Variants in R3HDM2 observed in about 807,000 individuals in gnomAD.
R3HDM2 encodes the protein R3H domain-containing protein 2.
A neutral mutation model predicts 124.5 loss-of-function variants in R3HDM2; 38 were observed. The ratio of observed to expected loss-of-function variants is 0.31; its 90% CI spans 0.24 to 0.40. The LOEUF (loss-of-function observed/expected upper bound fraction) is 0.40. R3HDM2 is among the 10% of genes least tolerant of loss of function. R3HDM2 has a pLI of 1.00. For synonymous variants in R3HDM2, 391 were observed against 448.0 expected, an observed-to-expected ratio of 0.87 and a Z score of 1.61; for missense variants, 869 against 1,236.9, an observed-to-expected ratio of 0.70 and a Z score of 4.46.
At chr12:57,368,044 AT>A (rs1245574804) in intron 2 of R3HDM2, among the ~76,000 whole-genome samples, 18 of 146,252 alleles carry the variant, frequency 1.2e-4, no homozygotes, top group Admixed American at 2.0e-4. Flanking sequence ...TTCTTTTGTG[AT>A]TTTTTTTTTG....
At chr12:57,395,234 C>T (rs139153978) in intron 2 of R3HDM2, among the ~76,000 whole-genome samples, 136 of 151,900 alleles carry the variant, frequency 9.0e-4, no homozygotes, top group African/African-American at 2.7e-3. Flanking sequence ...GAGCCGGGCA[C>T]GGTGGCTCAC....
intron 1 of R3HDM2, among the ~76,000 whole-genome samples, chr12:57,399,217 C>A (rs950296380): frequency 1.3e-5 from 2 of 151,940 alleles, no homozygotes; most frequent in Non-Finnish European, 2.9e-5. Context: ...GCCTGGCTGG[C>A]GTGGTGAAAC....
chr12:57,337,583 C>T (rs778814649), intron 2 of R3HDM2, among the ~76,000 whole-genome samples: 1 of 152,070 alleles, frequency 6.6e-6, no homozygotes, highest in Non-Finnish European at 1.5e-5. Context: ...CCTATCTGCA[C>T]GTTAAATTTC....
At chr12:57,425,380 T>C (rs529923574) in intron 1 of R3HDM2, among the ~76,000 whole-genome samples, 22 of 152,354 alleles carry the variant, frequency 1.4e-4, no homozygotes, top group African/African-American at 5.3e-4. Context: ...GACAAATGCA[T>C]AGCAGATCCC....
intron 1 of R3HDM2, among the ~76,000 whole-genome samples, chr12:57,420,181 T>C (rs1311126436): frequency 6.6e-6 from 1 of 152,160 alleles, no homozygotes; most frequent in Admixed American, 6.6e-5. Context: ...CTCTGTATTG[T>C]CTTGTTCATT....
chr12:57,355,445 C>T (rs563374341), intron 2 of R3HDM2, among the ~76,000 whole-genome samples: 54 of 129,670 alleles, frequency 4.2e-4, no homozygotes, highest in African/African-American at 1.5e-3. Context: ...GGCAACAGAG[C>T]GAGACTGTCT....
rs376889016 is a variant in R3HDM2 at position 57,280,552 on chromosome 12, C to T, written c.1172-22G>A. The T allele has an allele frequency of 1.7e-5, 26 of 1,570,626 alleles. No individual in the cohort carries two copies. In the African/African-American group the frequency reaches 2.9e-4, roughly 17 times the overall value. ...ATACCTAAGGCAAAGAAGAAACCCA[C>T]AAAAAGTTGTAAGCATAAGCCACGA... On this transcript the variant is annotated intron_variant, in intron 13 of 23. Coordinates refer to ENST00000402412, the MANE Select transcript of R3HDM2 (RefSeq NM_001394031.1).
At chr12:57,280,659 A>C (rs1018010171) in intron 13 of R3HDM2, 129 bp from the exon 14 acceptor site, 9 of 815,186 alleles carry the variant, frequency 1.1e-5, no homozygotes, top group Non-Finnish European at 3.6e-6. Flanking sequence ...CCCCTCCCCC[A>C]CTGTCTTTTG....
chr12:57,374,856 C>T (rs1454249618), intron 2 of R3HDM2, among the ~76,000 whole-genome samples: 3 of 150,228 alleles, frequency 2.0e-5, no homozygotes, highest in Non-Finnish European at 4.4e-5. Flanking sequence ...AATAGTCGGG[C>T]GTGGTGGCGG....
chr12:57,258,033 C>T lies in R3HDM2; in HGVS notation c.2406G>A (p.Leu802=). ...GCCGGGGGAACTGTGTGAGGACAGG[C>T]AGGGGACTGAGTCCTGTGCAGACAC... is the stretch of plus-strand genomic sequence containing the variant. ...LSSVCTGLSP[L]PVLTQFPRPG... The change falls in exon 21 of 24, where the codon CTG becomes CTA. Residue 802 remains leucine, a synonymous_variant. Coordinates refer to ENST00000402412, the MANE Select transcript of R3HDM2 (RefSeq NM_001394031.1). The T allele has an allele frequency of 6.3e-7, 1 of 1,592,554 alleles. No homozygotes were observed. Among genetic ancestry groups the T allele is most frequent in the South Asian group, 1.1e-5 (1 of 88,148 alleles).
At chr12:57,386,164 C>T (rs1478941463) in intron 2 of R3HDM2, among the ~76,000 whole-genome samples, 2 of 152,166 alleles carry the variant, frequency 1.3e-5, no homozygotes, top group African/African-American at 4.8e-5. Context: ...CGCTCGCAGC[C>T]CTCCCTCGCT....
At chr12:57,417,777 T>G (rs2069790689) in intron 1 of R3HDM2, among the ~76,000 whole-genome samples, 1 of 152,180 alleles carries the variant, frequency 6.6e-6, no homozygotes, top group Non-Finnish European at 1.5e-5. Flanking sequence ...AAATGTAGCT[T>G]ACCAGCTTAT....
chr12:57,428,833 G>A (rs12230111), intron 1 of R3HDM2, among the ~76,000 whole-genome samples: 65,897 of 150,614 alleles, frequency 0.44, 15,160 homozygotes, highest in South Asian at 0.52. Context: ...TGCAAAATCC[G>A]CCTCCTGGGT....
At chr12:57,368,129 G>C (rs1206474404) in intron 2 of R3HDM2, among the ~76,000 whole-genome samples, 1 of 151,308 alleles carries the variant, frequency 6.6e-6, no homozygotes, top group East Asian at 1.9e-4. Flanking sequence ...CCAGGGTTGA[G>C]GTATATTCCA....
At chr12:57,340,042 G>T (rs568090939) in intron 2 of R3HDM2, among the ~76,000 whole-genome samples, 46 of 152,100 alleles carry the variant, frequency 3.0e-4, no homozygotes, top group South Asian at 6.2e-4. Flanking sequence ...AACCTTGATG[G>T]TTAGAAAATA....
At chr12:57,418,342 C>T (rs1408275133) in intron 1 of R3HDM2, 2 of 985,282 alleles carry the variant, frequency 2.0e-6, no homozygotes, top group Admixed American at 1.2e-4. Flanking sequence ...GGGGCAAGGC[C>T]TCCAGAGCTT....
At chr12:57,419,722 G>A (rs1054983685) in intron 1 of R3HDM2, among the ~76,000 whole-genome samples, 1 of 152,012 alleles carries the variant, frequency 6.6e-6, no homozygotes, top group Non-Finnish European at 1.5e-5. Context: ...GATTACAGGT[G>A]TAAGCCACCG....
intron 2 of R3HDM2, among the ~76,000 whole-genome samples, chr12:57,389,640 G>T (rs746678324): frequency 4.6e-5 from 7 of 152,152 alleles, no homozygotes; most frequent in Non-Finnish European, 1.0e-4. Flanking sequence ...GAATTACCTA[G>T]CCAGATGCAC....
intron 2 of R3HDM2, among the ~76,000 whole-genome samples, chr12:57,384,144 G>A (rs966284919): frequency 2.6e-5 from 4 of 152,032 alleles, no homozygotes; most frequent in East Asian, 3.9e-4. Context: ...GGTGGATCAC[G>A]AGGTCAGGAG....
Sources: gnomAD v4.1 joint callset for allele counts (sites outside exome capture counted in the v4.1 genomes callset) on GRCh38, gnomAD v4.1.1 for gene constraint, MANE v1.5 for transcripts, NCBI Gene and HGNC (gene_info 2026-07-23, HGNC 2026-07-21) for gene names.